The following FAM47E variants were observed in gnomAD, a reference collection of about 807,000 sequenced individuals.
FAM47E encodes the protein protein FAM47E.
In FAM47E, 32 loss-of-function variants were observed where a neutral mutation model predicts 41.6. The observed-to-expected ratio is 0.77, with a 90% CI of 0.58 to 1.03. FAM47E has a LOEUF of 1.03. Among genes scored for constraint, FAM47E ranks in the 50% least tolerant of loss-of-function variants. The pLI, the probability that FAM47E is intolerant of heterozygous loss-of-function variation, is 0.00. For synonymous variants in FAM47E, 184 were observed against 188.7 expected (o/e 0.98, Z 0.20); for missense variants, 424 against 485.4 (o/e 0.87, Z 1.19).
At chr4:76,262,932 A>T (rs1210330376) in intron 2 of FAM47E, among the ~76,000 whole-genome samples, 1 of 152,044 alleles carries the variant, frequency 6.6e-6, no homozygotes, top group Non-Finnish European at 1.5e-5. Context: ...TGGCTAATTT[A>T]AAAAAATTTT....
In FAM47E at chr4:76,222,773, A is replaced by G. The variant is rs117731634; in HGVS notation, c.81+5085A>G. On this transcript the variant is annotated intron_variant, in intron 2 of 7. Coordinates refer to the FAM47E transcript ENST00000510197. ...CCAAGCTCTGTTCTAAGGACTTCAC[A>G]TCTATTAATTTTTCAAAGGTCTGGG... Among the ~76,000 whole-genome samples, 178 of 152,282 alleles carry G rather than the reference A, an allele frequency of 1.2e-3. 1 individual carries two copies. The East Asian group carries it at 0.019, about 16-fold the overall frequency.
At chr4:76,283,283 G>A (rs542987096) in intron 7 of FAM47E, 98 bp from the exon 8 acceptor site, 5 of 672,630 alleles carry the variant, frequency 7.4e-6, no homozygotes, top group Non-Finnish European at 1.3e-5. Context: ...ATATTAGAGT[G>A]TGAAATTTTG....
rs78586494 is a variant in FAM47E at position 76,283,417 on chromosome 4, C to T, written c.1141C>T (p.Arg381Cys). Residue 381 changes from arginine (R) to cysteine (C), a missense_variant, in exon 8 of 8, where the codon CGT (arginine) becomes TGT (cysteine). Physicochemically the swap from Arg to Cys is radical, Grantham distance 180 (BLOSUM62 -3). Coordinates refer to ENST00000424749, the MANE Select transcript of FAM47E (RefSeq NM_001136570.3). ...ENMYIGKECKRACNKTPIKRT... is the reference protein window; with the variant it reads ...ENMYIGKECKCACNKTPIKRT... ...TATGTATATCGGGAAGGAATGTAAA[C>T]GTGCATGTAATAAGACTCCTATAAA... The T allele has an allele frequency of 7.3e-3, 11,309 of 1,546,576 alleles. 96 individuals are homozygous for T. The highest frequency in any genetic ancestry group is 0.037 in the African/African-American group (2,690 of 72,902).
At chr4:76,233,829 C>A (rs28476470) in intron 2 of FAM47E, among the ~76,000 whole-genome samples, 6 of 152,060 alleles carry the variant, frequency 3.9e-5, no homozygotes, top group Non-Finnish European at 8.8e-5. Flanking sequence ...AGAACCAAAA[C>A]TTTGCAGATA....
Position 76,263,801 on chromosome 4 carries a change from C to A in FAM47E, c.518C>A (p.Thr173Lys), listed in dbSNP as rs982121618. 1.4e-5 allele frequency: 21 copies of A among 1,551,352 alleles called. No individual in the cohort carries two copies. Among genetic ancestry groups the A allele is most frequent in the Non-Finnish European group, 1.8e-5 (21 of 1,146,832 alleles). Residue 173 changes from threonine to lysine, a missense_variant, in exon 3 of 8, where the codon ACG becomes AAG. By Grantham distance (78) the Thr-to-Lys change is moderately conservative. Coordinates refer to ENST00000424749, the MANE Select transcript of FAM47E (RefSeq NM_001136570.3). The stretch of plus-strand genomic sequence containing the variant: ...ACCAGGAAAGGAATGAAGGAACCCA[C>A]GAAGCTTTTAAAAAAACATTCTACC... ...QDTRKGMKEP[T>K]KLLKKHSTQV...
intron 5 of FAM47E, among the ~76,000 whole-genome samples, chr4:76,277,679 G>A (rs1314999715): frequency 2.6e-5 from 4 of 152,108 alleles, no homozygotes; most frequent in Non-Finnish European, 5.9e-5. Flanking sequence ...TGATTTTTAC[G>A]TGATTCCTAG....
exon 2 of FAM47E, chr4:76,217,630 T>G: frequency 1.5e-6 from 1 of 651,544 alleles, no homozygotes; most frequent in South Asian, 1.7e-5. Flanking sequence ...GTGCCGTGCG[T>G]CTTGTCCAGC....
intron 6 of FAM47E, chr4:76,279,279 A>G (rs1735253553): frequency 6.6e-6 from 1 of 152,238 alleles, no homozygotes; most frequent in Admixed American, 6.5e-5. Flanking sequence ...ATAAAAGGTA[A>G]CATCATTTTT....
intron 2 of FAM47E, among the ~76,000 whole-genome samples, chr4:76,239,802 GC>G (rs1384872766): frequency 1.3e-5 from 2 of 151,958 alleles, no homozygotes; most frequent in African/African-American, 4.8e-5. Flanking sequence ...AGAAATTATT[GC>G]CCATTCTAAT....
chr4:76,241,820 C>T lies in FAM47E; in HGVS notation c.82-21884C>T, dbSNP rs1733718325. ...TTTAACTCCAGTGGTAATAACAGCA[C>T]ATTAAATATCTACTCATCCAAATAA... is the stretch of plus-strand genomic sequence containing the variant. On this transcript the variant is annotated intron_variant, in intron 2 of 7. Coordinates refer to the FAM47E transcript ENST00000510197. Among the ~76,000 whole-genome samples, 5 of 152,262 alleles carry T rather than the reference C, an allele frequency of 3.3e-5. No homozygotes were observed. The South Asian group carries it at 1.0e-3, about 32-fold the overall frequency.
At chr4:76,283,081 C>T (rs1399605733) in intron 7 of FAM47E, 1 of 231,264 alleles carries the variant, frequency 4.3e-6, no homozygotes, top group Admixed American at 5.2e-5. Flanking sequence ...CTCTGCTGCA[C>T]GGATGGATCC....
chr4:76,262,102 C>T (rs1486503361), intron 2 of FAM47E, among the ~76,000 whole-genome samples: 3 of 152,050 alleles, frequency 2.0e-5, no homozygotes, highest in Non-Finnish European at 4.4e-5. Context: ...GAATGGATTT[C>T]CCTATACCCA....
chr4:76,253,615 C>A (rs1329346986), intron 1 of FAM47E, among the ~76,000 whole-genome samples: 1 of 152,026 alleles, frequency 6.6e-6, no homozygotes, highest in East Asian at 1.9e-4. Flanking sequence ...GCCTTACTCT[C>A]CTCTTGGAAC....
At chr4:76,225,754 A>T (rs1733386780) in intron 2 of FAM47E, among the ~76,000 whole-genome samples, 1 of 152,146 alleles carries the variant, frequency 6.6e-6, no homozygotes, top group Admixed American at 6.5e-5. Context: ...ATCATGGCAT[A>T]TTATCTTTTT....
At chr4:76,268,465 C>T in intron 3 of FAM47E, 195 bp from the exon 4 acceptor site, 1 of 529,562 alleles carries the variant, frequency 1.9e-6, no homozygotes, top group South Asian at 2.9e-5. Flanking sequence ...TATAACTAAT[C>T]ATGATATACT....
intron 4 of FAM47E, among the ~76,000 whole-genome samples, chr4:76,269,902 T>C (rs1734816424): frequency 6.6e-6 from 1 of 152,188 alleles, no homozygotes; most frequent in Non-Finnish European, 1.5e-5. Context: ...TCTCTGTAGA[T>C]GTCTAAATAC....
At chr4:76,263,351 A>G (rs376363059) in intron 2 of FAM47E, among the ~76,000 whole-genome samples, 24 of 152,312 alleles carry the variant, frequency 1.6e-4, no homozygotes, top group African/African-American at 5.5e-4. Context: ...TCATTTTTAC[A>G]TTTCTCAAAT....
At chr4:76,243,936 C>T (rs1733764650) in intron 2 of FAM47E, among the ~76,000 whole-genome samples, 1 of 152,124 alleles carries the variant, frequency 6.6e-6, no homozygotes, top group South Asian at 2.1e-4. Flanking sequence ...TGTTCTCCTC[C>T]CTGTGTCCAT....
chr4:76,230,057 G>C (rs973229895), intron 2 of FAM47E, among the ~76,000 whole-genome samples: 1 of 152,122 alleles, frequency 6.6e-6, no homozygotes, highest in African/African-American at 2.4e-5. Flanking sequence ...ATATGTATTT[G>C]GGTTTCTCAG....
Sources: gnomAD v4.1 joint callset for allele counts (sites outside exome capture counted in the v4.1 genomes callset) on GRCh38, gnomAD v4.1.1 for gene constraint, MANE v1.5 for transcripts, NCBI Gene and HGNC (gene_info 2026-07-23, HGNC 2026-07-21) for gene names.